ARL6: variants seen among roughly 807,000 people sequenced by gnomAD.
ARL6 encodes the protein ADP-ribosylation factor-like protein 6.
Under a neutral mutation model 27.1 loss-of-function variants are expected in ARL6, and 18 were observed. The ratio of observed to expected loss-of-function variants is 0.66; its 90% CI spans 0.46 to 0.98. The LOEUF is 0.98. Ranked by LOEUF, ARL6 falls within the 50% of genes least tolerant of loss-of-function variation. The pLI, the probability that ARL6 is intolerant of heterozygous loss-of-function variation, is 0.00. For synonymous variants in ARL6, 65 were observed against 72.3 expected (o/e 0.90, Z 0.51); for missense variants, 187 against 214.9 (o/e 0.87, Z 0.81).
intron 7 of ARL6, among the ~76,000 whole-genome samples, chr3:97,795,873 A>C (rs546588958): frequency 6.6e-6 from 1 of 152,264 alleles, no homozygotes; most frequent in East Asian, 1.9e-4. Context: ...AATGAGGAAA[A>C]AAAGTTTTCA....
chr3:97,775,415 A>G (rs1242157602), intron 2 of ARL6, among the ~76,000 whole-genome samples: 1 of 151,096 alleles, frequency 6.6e-6, no homozygotes, highest in East Asian at 2.0e-4. Flanking sequence ...CCAGCACGGT[A>G]GAAAGATGTA....
intron 7 of ARL6, 107 bp from the exon 8 acceptor site, chr3:97,797,917 T>C (rs2038079964): frequency 9.9e-7 from 1 of 1,012,426 alleles, no homozygotes; most frequent in East Asian, 2.4e-5. Flanking sequence ...CAAAAGCACA[T>C]GTATACATAA....
At position 97,798,934 on chromosome 3, in the gene ARL6, C is replaced by T. The variant is rs1027293645; in HGVS notation, c.*885C>T. 7.9e-5 allele frequency: 12 copies of T among 152,040 alleles called. No individual in the cohort carries two copies. Among genetic ancestry groups the T allele is most frequent in the African/African-American group, 2.4e-4 (10 of 41,432 alleles). The allele number at this position is 152,040 out of a possible 1,614,324, so 9.4% of individuals were successfully genotyped here. A position where few individuals can be genotyped will look rare whatever the true frequency, so the allele number is the denominator to read the frequency against. ...TAAATGCCTCCAATTTACCATAGCA[C>T]TTTGTTAAAATAAATTGTGACTTTT... On this transcript the variant is annotated 3_prime_UTR_variant, in exon 8 of 8. Transcript: ENST00000463745.
intron 7 of ARL6, among the ~76,000 whole-genome samples, chr3:97,795,190 G>A (rs938294790): frequency 6.6e-6 from 1 of 152,192 alleles, no homozygotes; most frequent in Non-Finnish European, 1.5e-5. Flanking sequence ...CGTGTATGTA[G>A]AATAACCCAA....
intron 6 of ARL6, chr3:97,791,092 G>A (rs1053408733): frequency 6.6e-6 from 1 of 151,914 alleles, no homozygotes; most frequent in Non-Finnish European, 1.5e-5. Flanking sequence ...TTTAAGTTTA[G>A]TCTCTCAAGA....
chr3:97,782,585 A>T (rs1284687788), intron 4 of ARL6, among the ~76,000 whole-genome samples: 1 of 151,848 alleles, frequency 6.6e-6, no homozygotes, highest in African/African-American at 2.4e-5. Flanking sequence ...AAAGTGAGCC[A>T]CTCCTGTGAG....
At chr3:97,770,016 A>C (rs542034996) in intron 2 of ARL6, among the ~76,000 whole-genome samples, 5 of 151,964 alleles carry the variant, frequency 3.3e-5, no homozygotes, top group Non-Finnish European at 7.4e-5. Context: ...TATCTCTTTG[A>C]TACATTGATT....
chr3:97,796,084 C>T (rs1163966265), intron 7 of ARL6, among the ~76,000 whole-genome samples: 4 of 152,258 alleles, frequency 2.6e-5, no homozygotes, highest in Non-Finnish European at 2.9e-5. Context: ...GCTTCACACA[C>T]GTTTGCAAAT....
chr3:97,787,755 C>T (rs151241657), intron 5 of ARL6, among the ~76,000 whole-genome samples: 1 of 152,210 alleles, frequency 6.6e-6, no homozygotes, highest in East Asian at 1.9e-4. Context: ...CCTCACCCAT[C>T]TTTGGTTAAA....
At chr3:97,790,989 A>T (rs2037705581) in intron 6 of ARL6, among the ~76,000 whole-genome samples, 1 of 152,158 alleles carries the variant, frequency 6.6e-6, no homozygotes, top group Admixed American at 6.5e-5. Flanking sequence ...GTACCTTTTA[A>T]AAAGATTATC....
intron 7 of ARL6, 100 bp from the exon 8 acceptor site, chr3:97,797,924 A>C: frequency 2.7e-6 from 3 of 1,117,308 alleles, no homozygotes; most frequent in Non-Finnish European, 4.1e-6. Context: ...ACATGTATAC[A>C]TAAGTTTCCA....
intron 2 of ARL6, among the ~76,000 whole-genome samples, chr3:97,776,178 C>T (rs1352159082): frequency 6.6e-6 from 1 of 152,082 alleles, no homozygotes; most frequent in African/African-American, 2.4e-5. Context: ...CTCCTTTTTC[C>T]TCATATAGTG....
At chr3:97,779,005 A>G (rs1267563405) in intron 2 of ARL6, among the ~76,000 whole-genome samples, 2 of 152,192 alleles carry the variant, frequency 1.3e-5, no homozygotes, top group African/African-American at 2.4e-5. Context: ...AAACAGAGGA[A>G]TAGTTTTTCT....
At chr3:97,775,392 G>A (rs188068423) in intron 2 of ARL6, among the ~76,000 whole-genome samples, 76 of 152,186 alleles carry the variant, frequency 5.0e-4, no homozygotes, top group African/African-American at 1.7e-3. Flanking sequence ...TGATGTTCAA[G>A]GGCAGGAAGC....
At chr3:97,792,458 G>A (rs917415418) in intron 7 of ARL6, among the ~76,000 whole-genome samples, 3 of 152,016 alleles carry the variant, frequency 2.0e-5, no homozygotes, top group African/African-American at 7.2e-5. Flanking sequence ...ACTCCAGCCT[G>A]GCAACAAAGC....
At chr3:97,774,553 A>G (rs755493160) in intron 2 of ARL6, among the ~76,000 whole-genome samples, 1 of 152,154 alleles carries the variant, frequency 6.6e-6, no homozygotes, top group Non-Finnish European at 1.5e-5. Flanking sequence ...TTCTTCTGGC[A>G]AAACAAGGTT....
At chr3:97,768,325 C>G in intron 2 of ARL6, 95 bp downstream of exon 2, 1 of 1,327,762 alleles carries the variant, frequency 7.5e-7, no homozygotes, top group Non-Finnish European at 1.1e-6. Flanking sequence ...CGCATATAAT[C>G]ACATTAAGAT....
chr3:97,782,464 G>A (rs1208122422), intron 4 of ARL6, among the ~76,000 whole-genome samples: 1 of 151,770 alleles, frequency 6.6e-6, no homozygotes, highest in African/African-American at 2.4e-5. Context: ...AACAATAAAA[G>A]TAAATTTACT....
chr3:97,778,697 A>T lies in ARL6; in HGVS notation c.124-1462A>T, dbSNP rs554847671. On this transcript the variant is annotated intron_variant, in intron 2 of 7. Coordinates refer to ENST00000463745, the MANE Select transcript of ARL6 (RefSeq NM_001278293.3). ...TTACTGTGTTGAGTATTTTACATCCATTAACTTATTTACTTATCATGATAA... is the reference window on the plus strand; with the variant it reads ...TTACTGTGTTGAGTATTTTACATCCTTTAACTTATTTACTTATCATGATAA... 4.6e-5 allele frequency among the ~76,000 whole-genome samples: 7 copies of T among 152,324 alleles called. No homozygotes were observed. The East Asian group carries it at 1.3e-3, about 29-fold the overall frequency.
Sources: allele counts gnomAD v4.1 joint callset (sites outside exome capture counted in the v4.1 genomes callset), GRCh38; gene constraint gnomAD v4.1.1; transcripts MANE v1.5; gene names NCBI Gene and HGNC (gene_info 2026-07-23, HGNC 2026-07-21).